The following TP63 variants were observed in gnomAD, a reference collection of about 807,000 sequenced individuals.
TP63 encodes tumor protein 63.
TP63 carries 17 observed loss-of-function variants against 82.8 expected under a neutral mutation model. The ratio of observed to expected loss-of-function variants is 0.21; its 90% CI spans 0.14 to 0.31. The LOEUF is 0.31. Among genes scored for constraint, TP63 ranks in the 10% least tolerant of loss-of-function variants. The probability of loss-of-function intolerance (pLI) is 1.00; values close to 1 mark genes in which losing one functional copy is unlikely to be tolerated. For missense variants in TP63, 648 were observed against 895.3 expected (o/e 0.72, Z 3.52); for synonymous variants, 330 against 321.7 (o/e 1.03, Z -0.28).
At chr3:189,676,531 T>C (rs1171035756) in intron 1 of TP63, among the ~76,000 whole-genome samples, 1 of 152,082 alleles carries the variant, frequency 6.6e-6, no homozygotes, top group Non-Finnish European at 1.5e-5. Flanking sequence ...ATTTGTATTA[T>C]ATAGAATATA....
chr3:189,882,379 C>T (rs370847338), intron 10 of TP63, among the ~76,000 whole-genome samples: 5 of 151,842 alleles, frequency 3.3e-5, no homozygotes, highest in Non-Finnish European at 5.9e-5. Flanking sequence ...CCAGATAACC[C>T]GGCTAGAGAG....
chr3:189,889,705 G>A (rs746253545), intron 12 of TP63, among the ~76,000 whole-genome samples: 19 of 152,208 alleles, frequency 1.2e-4, no homozygotes, highest in Non-Finnish European at 1.8e-4. Context: ...CTGTTGATAG[G>A]CATATTGTTT....
At chr3:189,691,338 C>CAAA (rs781098833) in intron 1 of TP63, among the ~76,000 whole-genome samples, 61 of 67,052 alleles carry the variant, frequency 9.1e-4, no homozygotes, top group East Asian at 1.4e-3. Context: ...GACTCCATCT[C>CAAA]AAAAAAAAAA....
chr3:189,878,385 CTTTT>C (rs1203096619), intron 10 of TP63, among the ~76,000 whole-genome samples: 4 of 107,694 alleles, frequency 3.7e-5, no homozygotes, highest in Admixed American at 9.8e-5. Context: ...TTACAGTTTC[CTTTT>C]TTTTTTTTTT....
At chr3:189,745,483 C>A (rs138708638) in intron 3 of TP63, among the ~76,000 whole-genome samples, 27,283 of 151,596 alleles carry the variant, frequency 0.18, 2,894 homozygotes, top group Middle Eastern at 0.26. Flanking sequence ...CTGAGGCGGG[C>A]AGATCACAAG....
the TP63 span, among the ~76,000 whole-genome samples, chr3:189,607,369 A>G: frequency 1.3e-5 from 2 of 152,220 alleles, no homozygotes; most frequent in African/African-American, 4.8e-5. Flanking sequence ...CTTTTGTGCT[A>G]TCTTTGCAAC....
chr3:189,888,678 CAGTG>C (rs1053922402), intron 11 of TP63, among the ~76,000 whole-genome samples: 2 of 152,098 alleles, frequency 1.3e-5, no homozygotes, highest in Admixed American at 1.3e-4. Flanking sequence ...TTTTCTCTAT[CAGTG>C]AGTGTTTACA....
chr3:189,823,545 A>T (rs996810554), intron 4 of TP63, among the ~76,000 whole-genome samples: 1 of 152,148 alleles, frequency 6.6e-6, no homozygotes. Context: ...GGCAAGAGTC[A>T]GTTGCTGAAG....
the TP63 span, among the ~76,000 whole-genome samples, chr3:189,616,095 G>A: frequency 6.6e-6 from 1 of 152,254 alleles, no homozygotes; most frequent in East Asian, 1.9e-4. Context: ...TGAGTGTCAT[G>A]GATCAAGACA....
At chr3:189,696,431 C>T (rs560096280) in intron 1 of TP63, among the ~76,000 whole-genome samples, 3 of 152,184 alleles carry the variant, frequency 2.0e-5, no homozygotes, top group South Asian at 2.1e-4. Context: ...TATACCACAA[C>T]GTATTCATTC....
At chr3:189,771,406 A>G (rs932925216) in intron 3 of TP63, among the ~76,000 whole-genome samples, 30 of 139,130 alleles carry the variant, frequency 2.2e-4, no homozygotes, top group African/African-American at 8.0e-4. Flanking sequence ...ATATATAAGT[A>G]TATTAAATAT....
At chr3:189,629,238 C>G (rs1394033999), upstream of TP63, among the ~76,000 whole-genome samples, 1 of 151,742 alleles carries the variant, frequency 6.6e-6, no homozygotes, top group African/African-American at 2.4e-5. Flanking sequence ...AACAAAATTA[C>G]CTGGGTATGG....
At chr3:189,887,833 A>G (rs934147807) in intron 11 of TP63, among the ~76,000 whole-genome samples, 1 of 150,630 alleles carries the variant, frequency 6.6e-6, no homozygotes. Context: ...TCTGTGGTCT[A>G]ATGGCACACA....
intron 1 of TP63, among the ~76,000 whole-genome samples, chr3:189,711,866 G>A (rs1416014436): frequency 4.6e-5 from 7 of 152,122 alleles, no homozygotes; most frequent in Non-Finnish European, 8.8e-5. Flanking sequence ...AATATAAGGC[G>A]GAGATAGGTA....
the TP63 span, among the ~76,000 whole-genome samples, chr3:189,598,622 C>T: frequency 2.0e-5 from 3 of 152,150 alleles, no homozygotes; most frequent in Admixed American, 2.0e-4. Flanking sequence ...CTTTGAGATC[C>T]GGATATCAGC....
At chr3:189,859,367 C>T (rs1459363160) in intron 4 of TP63, among the ~76,000 whole-genome samples, 1 of 151,928 alleles carries the variant, frequency 6.6e-6, no homozygotes, top group East Asian at 1.9e-4. Context: ...TGAACAGATG[C>T]TTCAAAAAAT....
chr3:189,646,652 C>A (rs141798086), intron 1 of TP63, among the ~76,000 whole-genome samples: 1,687 of 146,556 alleles, frequency 0.012, 138 homozygotes, highest in Non-Finnish European at 0.015. Context: ...TTGCTTCAGG[C>A]CAAGTGAAGG....
chr3:189,843,856 G>T (rs1164675981), intron 4 of TP63, among the ~76,000 whole-genome samples: 1 of 152,172 alleles, frequency 6.6e-6, no homozygotes, highest in Admixed American at 6.5e-5. Flanking sequence ...TCTTGGCTTT[G>T]TTTCCATGAT....
At chr3:189,885,833 T>G (rs1341655025) in intron 10 of TP63, among the ~76,000 whole-genome samples, 1 of 152,228 alleles carries the variant, frequency 6.6e-6, no homozygotes, top group Admixed American at 6.5e-5. Flanking sequence ...TGAACATCTC[T>G]ATTGAAAATG....
Sources: allele counts gnomAD v4.1 joint callset (sites outside exome capture counted in the v4.1 genomes callset), GRCh38; gene constraint gnomAD v4.1.1; transcripts MANE v1.5; gene names NCBI Gene and HGNC (gene_info 2026-07-23, HGNC 2026-07-21).